Variants in PDE1C observed in about 807,000 individuals in gnomAD.
The protein encoded by PDE1C is dual specificity calcium/calmodulin-dependent 3',5'-cyclic nucleotide phosphodiesterase 1C.
PDE1C carries 62 observed loss-of-function variants against 93.1 expected under a neutral mutation model. That is an observed-to-expected ratio of 0.67 (90% CI 0.54 to 0.82). The LOEUF (loss-of-function observed/expected upper bound fraction) is 0.82, where lower values mean the gene tolerates loss of function less well. Among genes scored for constraint, PDE1C ranks in the 40% least tolerant of loss-of-function variants. The pLI is 0.00. For missense variants in PDE1C, 742 were observed against 884.6 expected (o/e 0.84, Z 2.04); for synonymous variants, 325 against 310.1 (o/e 1.05, Z -0.50).
intron 3 of PDE1C, among the ~76,000 whole-genome samples, chr7:32,160,829 G>A (rs1266575183): frequency 6.6e-6 from 1 of 151,534 alleles, no homozygotes; most frequent in Non-Finnish European, 1.5e-5. Flanking sequence ...ACTAAAAACA[G>A]GAAAGAAAAG....
intron 7 of PDE1C, among the ~76,000 whole-genome samples, chr7:31,854,898 C>T (rs1179804241): frequency 6.6e-5 from 10 of 151,944 alleles, no homozygotes; most frequent in Non-Finnish European, 5.9e-5. Context: ...GAAACCCCAT[C>T]TCTACTGAAA....
intron 1 of PDE1C, among the ~76,000 whole-genome samples, chr7:32,395,281 CA>C (rs1784821444): frequency 6.6e-6 from 1 of 152,080 alleles, no homozygotes; most frequent in Non-Finnish European, 1.5e-5. Flanking sequence ...AAAACAGGTA[CA>C]GGGGGAAGTG....
chr7:31,687,685 A>G, the PDE1C span, among the ~76,000 whole-genome samples: 2 of 152,236 alleles, frequency 1.3e-5, no homozygotes, highest in Non-Finnish European at 2.9e-5. Context: ...GAATACTGCC[A>G]ATTTAGGTTT....
chr7:31,908,055 AC>A (rs1356285709), intron 2 of PDE1C, among the ~76,000 whole-genome samples: 2 of 152,168 alleles, frequency 1.3e-5, no homozygotes. Context: ...TAATAGGACA[AC>A]TTTTATCTTG....
chr7:32,067,801 T>C (rs995740828), intron 1 of PDE1C, among the ~76,000 whole-genome samples: 2 of 152,332 alleles, frequency 1.3e-5, no homozygotes, highest in Admixed American at 6.5e-5. Flanking sequence ...CCTAAATATA[T>C]ATTTATCTTC....
At chr7:32,281,976 C>A (rs1562646939) in intron 1 of PDE1C, among the ~76,000 whole-genome samples, 1 of 152,010 alleles carries the variant, frequency 6.6e-6, no homozygotes, top group South Asian at 2.1e-4. Flanking sequence ...CACTTGGACA[C>A]AGGGCAGGGA....
At chr7:32,373,527 C>CA (rs773188336) in intron 1 of PDE1C, among the ~76,000 whole-genome samples, 26 of 152,186 alleles carry the variant, frequency 1.7e-4, no homozygotes, top group Non-Finnish European at 3.7e-4. Context: ...TCTATCATGA[C>CA]AAAATGTTCT....
intron 1 of PDE1C, among the ~76,000 whole-genome samples, chr7:32,234,975 A>C (rs1448132872): frequency 6.6e-6 from 1 of 152,102 alleles, no homozygotes; most frequent in Non-Finnish European, 1.5e-5. Flanking sequence ...AATGAATTTC[A>C]CCATGTTAAC....
intron 3 of PDE1C, among the ~76,000 whole-genome samples, chr7:32,155,193 G>A (rs540746662): frequency 2.6e-5 from 4 of 152,314 alleles, no homozygotes; most frequent in Non-Finnish European, 4.4e-5. Context: ...TGGCCCAGTG[G>A]TTAACTGTGG....
chr7:32,069,250 TTTTA>T (rs1167823668), intron 1 of PDE1C, among the ~76,000 whole-genome samples: 1 of 152,254 alleles, frequency 6.6e-6, no homozygotes, highest in Non-Finnish European at 1.5e-5. Flanking sequence ...TCAACACATT[TTTTA>T]TTTGTCTTTT....
At chr7:31,635,579 C>T in the PDE1C span, among the ~76,000 whole-genome samples, 3 of 152,170 alleles carry the variant, frequency 2.0e-5, no homozygotes, top group Non-Finnish European at 4.4e-5. Flanking sequence ...CACAAGTATA[C>T]CTCTTTTGGA....
At chr7:31,716,440 A>C in the PDE1C span, among the ~76,000 whole-genome samples, 57 of 152,316 alleles carry the variant, frequency 3.7e-4, 1 homozygote, top group African/African-American at 1.3e-3. Context: ...GACCCACAAT[A>C]ATATGGTTCA....
intron 2 of PDE1C, among the ~76,000 whole-genome samples, chr7:32,050,180 T>A (rs1358271687): frequency 6.6e-6 from 1 of 152,200 alleles, no homozygotes; most frequent in Non-Finnish European, 1.5e-5. Context: ...ACCATTATAA[T>A]CTTATGGGAC....
chr7:31,925,039 CTGTGTGTGTGTG>C (rs70989622), intron 2 of PDE1C, among the ~76,000 whole-genome samples: 2,328 of 135,362 alleles, frequency 0.017, 40 homozygotes, highest in African/African-American at 0.038. Context: ...GTAGACATTT[CTGTGTGTGTGTG>C]TGTGTGTGTG....
chr7:31,824,765 CAAATGCCATTATG>C, intron 13 of PDE1C, 89 bp downstream of exon 13: 1 of 1,466,458 alleles, frequency 6.8e-7, no homozygotes, highest in Non-Finnish European at 9.3e-7. Context: ...GGAGCTAAGG[CAAATGCCATTATG>C]AAATACCATC....
chr7:31,651,548 T>C, the PDE1C span, among the ~76,000 whole-genome samples: 1 of 151,978 alleles, frequency 6.6e-6, no homozygotes, highest in Admixed American at 6.6e-5. Context: ...CTCGTGCAAA[T>C]GCAAATGTGG....
At chr7:31,967,137 C>CA (rs1241885772) in intron 2 of PDE1C, among the ~76,000 whole-genome samples, 6 of 152,164 alleles carry the variant, frequency 3.9e-5, no homozygotes, top group Non-Finnish European at 7.4e-5. Flanking sequence ...AATAGAGACA[C>CA]AAAAAACCCT....
chr7:32,220,748 G>C (rs1310890716), intron 1 of PDE1C, among the ~76,000 whole-genome samples: 5 of 152,186 alleles, frequency 3.3e-5, no homozygotes, highest in Admixed American at 1.3e-4. Context: ...AACCCAGGAG[G>C]TGGAGCTTGC....
intron 2 of PDE1C, among the ~76,000 whole-genome samples, chr7:31,930,016 C>T (rs1803969274): frequency 6.6e-6 from 1 of 152,052 alleles, no homozygotes; most frequent in African/African-American, 2.4e-5. Flanking sequence ...AAATAGACCA[C>T]TAGCCAGACT....
Sources: gnomAD v4.1 joint callset for allele counts (sites outside exome capture counted in the v4.1 genomes callset) on GRCh38, gnomAD v4.1.1 for gene constraint, MANE v1.5 for transcripts, NCBI Gene and HGNC (gene_info 2026-07-23, HGNC 2026-07-21) for gene names.